The following MC1R variants were observed in gnomAD, a reference collection of about 807,000 sequenced individuals.
The protein encoded by MC1R is melanocortin 1 receptor.
For synonymous variants in MC1R, 263 were observed against 203.8 expected (o/e 1.29, Z -2.47); for missense variants, 542 against 430.0 (o/e 1.26, Z -2.30).
chr16:89,919,000 G>T lies in MC1R; in HGVS notation c.-259G>T. On this transcript the variant is annotated 5_prime_UTR_variant, in exon 1 of 1. Coordinates refer to ENST00000555147, the MANE Select transcript of MC1R (RefSeq NM_002386.4). The stretch of plus-strand genomic sequence containing the variant: ...AGGCAGGGAGGGAGCTGAGGACCAG[G>T]CTTGGTTGTGAGAATCCCTGAGCCC... The T allele has an allele frequency of 1.9e-6, 1 of 532,594 alleles. No individual in the cohort carries two copies. Among genetic ancestry groups the T allele is most frequent in the East Asian group, 3.1e-5 (1 of 32,690 alleles). The allele number at this position is 532,594 out of a possible 1,614,324, so 33.0% of individuals were successfully genotyped here. A position where few individuals can be genotyped will look rare whatever the true frequency, so the allele number is the denominator to read the frequency against.
chr16:89,920,420 C>A lies in MC1R; in HGVS notation c.*208C>A. 1.6e-6 allele frequency: 1 copy of A among 622,154 alleles called. No individual in the cohort carries two copies. Among genetic ancestry groups the A allele is most frequent in the Admixed American group, 2.9e-5 (1 of 34,172 alleles). 38.5% of individuals were successfully genotyped at this position (622,154 alleles called of 1,614,324 possible). A position where few individuals can be genotyped will look rare whatever the true frequency, so the allele number is the denominator to read the frequency against. On this transcript the variant is annotated 3_prime_UTR_variant, in exon 1 of 1. Transcript: ENST00000555147. Reference sequence around the variant, plus strand: ...GCAAAACTCCAGGCAGGACTTCTCACCAGCAGTCGTGGGGAACGGAGGAGG... The same window carrying A: ...GCAAAACTCCAGGCAGGACTTCTCAACAGCAGTCGTGGGGAACGGAGGAGG...
rs1299958681 is a variant in MC1R, at chr16:89,919,636, C to T, written c.378C>T (p.Ser126=). 4 of 1,607,146 alleles carry T rather than the reference C, an allele frequency of 2.5e-6. No homozygotes were observed. The highest frequency in any genetic ancestry group is 2.2e-5 in the East Asian group (1 of 44,862). Residue 126 remains serine (S), a synonymous_variant, in exon 1 of 1, where the codon AGC becomes AGT. Transcript: ENST00000555147. ...LDNVIDVITC[S]SMLSSLCFLG... The stretch of plus-strand genomic sequence containing the variant: ...ATGTCATTGACGTGATCACCTGCAG[C>T]TCCATGCTGTCCAGCCTCTGCTTCC...
Position 89,919,378 on chromosome 16 carries a change from C to T in MC1R, c.120C>T (p.Ile40=), listed in dbSNP as rs1555623739. The T allele has an allele frequency of 2.5e-6, 4 of 1,613,322 alleles. No individual in the cohort carries two copies. Among genetic ancestry groups the T allele is most frequent in the African/African-American group, 2.7e-5 (2 of 75,070 alleles). The change falls in exon 1 of 1, where the codon ATC becomes ATT. Residue 40 remains isoleucine, a synonymous_variant. Transcript: ENST00000555147. ...QTGARCLEVS[I]SDGLFLSLGL... ...GAGCCCGGTGCCTGGAGGTGTCCAT[C>T]TCTGACGGGCTCTTCCTCAGCCTGG...
chr16:89,920,649 A>G lies in MC1R; in HGVS notation c.*437A>G, dbSNP rs1328724365. 2.8e-6 allele frequency: 2 copies of G among 716,220 alleles called. No homozygotes were observed. Among genetic ancestry groups the G allele is most frequent in the Non-Finnish European group, 2.6e-6 (1 of 384,630 alleles). The allele number at this position is 716,220 out of a possible 1,614,324, so 44.4% of individuals were successfully genotyped here. A position where few individuals can be genotyped will look rare whatever the true frequency, so the allele number is the denominator to read the frequency against. On this transcript the variant is annotated 3_prime_UTR_variant, in exon 1 of 1. Coordinates refer to ENST00000555147, the MANE Select transcript of MC1R (RefSeq NM_002386.4). ...AAGTCTCTGGGTGGAAGTGTGTGCC[A>G]AGAGCTACTCCCACAGCAGCCCCAG...
chr16:89,920,181 C>CT lies in MC1R; in HGVS notation c.923_924insT (p.Leu309AlafsTer26), dbSNP rs1567758732. Reference sequence around the variant, plus strand: ...TTCCACAGCCAGGAGCTCCGCAGGACGCTCAAGGAGGTGCTGACATGCTCC... The same window carrying CT: ...TTCCACAGCCAGGAGCTCCGCAGGACTGCTCAAGGAGGTGCTGACATGCTCC... On this transcript the variant is annotated frameshift_variant, in exon 1 of 1. Coordinates refer to ENST00000555147, the MANE Select transcript of MC1R (RefSeq NM_002386.4). LOFTEE classifies it high-confidence loss of function. The CT allele has an allele frequency of 1.9e-6, 3 of 1,613,898 alleles. No individual in the cohort carries two copies. Among genetic ancestry groups the CT allele is most frequent in the Non-Finnish European group, 2.5e-6 (3 of 1,179,862 alleles).
In MC1R at chr16:89,920,606, C is replaced by G; in HGVS notation, c.*394C>G. On this transcript the variant is annotated 3_prime_UTR_variant, in exon 1 of 1. Coordinates refer to ENST00000555147, the MANE Select transcript of MC1R (RefSeq NM_002386.4). Reference sequence around the variant, plus strand: ...TGCTGCCAGCTCTCAGGACCGTGCCCTCGTCAGCTGGGATGTGAAGTCTCT... The same window carrying G: ...TGCTGCCAGCTCTCAGGACCGTGCCGTCGTCAGCTGGGATGTGAAGTCTCT... The G allele has an allele frequency of 1.4e-6, 1 of 698,076 alleles. No individual in the cohort carries two copies. Among genetic ancestry groups the G allele is most frequent in the East Asian group, 2.7e-5 (1 of 37,098 alleles). 43.2% of individuals were successfully genotyped at this position (698,076 alleles called of 1,614,324 possible).
chr16:89,920,182 G>T lies in MC1R; in HGVS notation c.924G>T (p.Thr308=), dbSNP rs748972076. ...YAFHSQELRR[T]LKEVLTCSW ...TCCACAGCCAGGAGCTCCGCAGGAC[G>T]CTCAAGGAGGTGCTGACATGCTCCT... Residue 308 remains threonine, a synonymous_variant, in exon 1 of 1, where the codon ACG becomes ACT. Transcript: ENST00000555147. 1 of 1,613,940 alleles carries T rather than the reference G, an allele frequency of 6.2e-7. No homozygotes were observed. The highest frequency in any genetic ancestry group is 2.2e-5 in the East Asian group (1 of 44,882).
At position 89,919,389 on chromosome 16, in the gene MC1R, T is replaced by C. The variant is rs1321375308; in HGVS notation, c.131T>C (p.Leu44Pro). ...RCLEVSISDG[L>P]FLSLGLVSLV... ...CTGGAGGTGTCCATCTCTGACGGGCTCTTCCTCAGCCTGGGGCTGGTGAGC... is the reference window on the plus strand; with the variant it reads ...CTGGAGGTGTCCATCTCTGACGGGCCCTTCCTCAGCCTGGGGCTGGTGAGC... Residue 44 changes from leucine to proline, a missense_variant, in exon 1 of 1, where the codon CTC becomes CCC. Coordinates refer to ENST00000555147, the MANE Select transcript of MC1R (RefSeq NM_002386.4). 3 of 1,613,158 alleles carry C rather than the reference T, an allele frequency of 1.9e-6. No homozygotes were observed. Among genetic ancestry groups the C allele is most frequent in the Non-Finnish European group, 2.5e-6 (3 of 1,179,868 alleles).
Position 89,919,297 on chromosome 16 carries a change from C to T in MC1R, c.39C>T (p.Ser13=), listed in dbSNP as rs1343942470. Residue 13 remains serine (S), a synonymous_variant, in exon 1 of 1, where the codon TCC becomes TCT. Coordinates refer to ENST00000555147, the MANE Select transcript of MC1R (RefSeq NM_002386.4). ...VQGSQRRLLG[S]LNSTPTAIPQ... ...GATCCCAGAGAAGACTTCTGGGCTC[C>T]CTCAACTCCACCCCCACAGCCATCC... The T allele has an allele frequency of 6.2e-7, 1 of 1,606,182 alleles. No individual in the cohort carries two copies. Among genetic ancestry groups the T allele is most frequent in the East Asian group, 2.2e-5 (1 of 44,532 alleles).
rs767294514 is a variant in MC1R at position 89,919,522 on chromosome 16, C to T, written c.264C>T (p.Ser88=). 2.1e-5 allele frequency: 34 copies of T among 1,612,902 alleles called. No individual in the cohort carries two copies. Among genetic ancestry groups the T allele is most frequent in the African/African-American group, 2.7e-5 (2 of 74,926 alleles). Residue 88 remains serine (S), a synonymous_variant, in exon 1 of 1, where the codon AGC becomes AGT. Coordinates refer to ENST00000555147, the MANE Select transcript of MC1R (RefSeq NM_002386.4). ...TGGCCTTGTCGGACCTGCTGGTGAG[C>T]GGGAGCAACGTGCTGGAGACGGCCG... ...CCLALSDLLV[S]GSNVLETAVI...
chr16:89,920,618 G>T lies in MC1R; in HGVS notation c.*406G>T. ...TCAGGACCGTGCCCTCGTCAGCTGG[G>T]ATGTGAAGTCTCTGGGTGGAAGTGT... On this transcript the variant is annotated 3_prime_UTR_variant, in exon 1 of 1. Transcript: ENST00000555147. 1.4e-6 allele frequency: 1 copy of T among 707,120 alleles called. No individual in the cohort carries two copies. The highest frequency in any genetic ancestry group is 2.7e-5 in the East Asian group (1 of 37,192). 43.8% of individuals were successfully genotyped at this position (707,120 alleles called of 1,614,324 possible).
chr16:89,918,893 C>A lies in MC1R; in HGVS notation c.-366C>A, dbSNP rs1467069158. On this transcript the variant is annotated 5_prime_UTR_variant, in exon 1 of 1. Transcript: ENST00000555147. ...CCCAGGACCTCAGCGCAGCCCTGGCCCAGGAAGGCAGGAGACAGAGGCCAG... is the reference window on the plus strand; with the variant it reads ...CCCAGGACCTCAGCGCAGCCCTGGCACAGGAAGGCAGGAGACAGAGGCCAG... 3 of 283,404 alleles carry A rather than the reference C, an allele frequency of 1.1e-5. No homozygotes were observed. Among genetic ancestry groups the A allele is most frequent in the Non-Finnish European group, 1.3e-5 (2 of 150,076 alleles). 17.6% of individuals were successfully genotyped at this position (283,404 alleles called of 1,614,324 possible).
chr16:89,920,492 C>T lies in MC1R; in HGVS notation c.*280C>T, dbSNP rs926242817. 1 of 617,262 alleles carries T rather than the reference C, an allele frequency of 1.6e-6. No individual in the cohort carries two copies. Among genetic ancestry groups the T allele is most frequent in the Non-Finnish European group, 2.9e-6 (1 of 339,298 alleles). 38.2% of individuals were successfully genotyped at this position (617,262 alleles called of 1,614,324 possible). A position where few individuals can be genotyped will look rare whatever the true frequency, so the allele number is the denominator to read the frequency against. On this transcript the variant is annotated 3_prime_UTR_variant, in exon 1 of 1. Transcript: ENST00000555147. ...TCAGGCTCCGGGCACCAGGGGCCAA[C>T]CTCAGGCTCCTAAAGAGACATTTTC...
In MC1R at chr16:89,920,880, C is replaced by T. The variant is rs1422403073; in HGVS notation, c.*668C>T. The T allele has an allele frequency of 8.4e-6, 5 of 594,894 alleles. No homozygotes were observed. The highest frequency in any genetic ancestry group is 1.9e-5 in the African/African-American group (1 of 53,074). The allele number at this position is 594,894 out of a possible 1,614,324, so 36.9% of individuals were successfully genotyped here. ...TGCTTTCCTGCAGCAGTCGCCCAAG[C>T]AGACAGCCCTGGCAAATGCCTGACT... On this transcript the variant is annotated 3_prime_UTR_variant, in exon 1 of 1. Coordinates refer to ENST00000555147, the MANE Select transcript of MC1R (RefSeq NM_002386.4).
Position 89,920,601 on chromosome 16 carries a change from G to T in MC1R, c.*389G>T, listed in dbSNP as rs1021962381. ...ATCTTTGCTGCCAGCTCTCAGGACC[G>T]TGCCCTCGTCAGCTGGGATGTGAAG... On this transcript the variant is annotated 3_prime_UTR_variant, in exon 1 of 1. Transcript: ENST00000555147. 1.4e-6 allele frequency: 1 copy of T among 694,208 alleles called. No individual in the cohort carries two copies. The allele number at this position is 694,208 out of a possible 1,614,324, so 43.0% of individuals were successfully genotyped here.
rs1202022547 is a variant in MC1R at position 89,919,848 on chromosome 16, T to C, written c.590T>C (p.Leu197Pro). ...AVLLCLVVFF[L>P]AMLVLMAVLY... Reference sequence around the variant, plus strand: ...CTGCTGTGCCTCGTGGTCTTCTTCCTGGCTATGCTGGTGCTCATGGCCGTG... The same window carrying C: ...CTGCTGTGCCTCGTGGTCTTCTTCCCGGCTATGCTGGTGCTCATGGCCGTG... The change falls in exon 1 of 1, where the codon CTG (leucine) becomes CCG (proline). Residue 197 changes from leucine to proline, a missense_variant. Leu to Pro is a moderately conservative substitution (Grantham distance 98, BLOSUM62 -3). Transcript: ENST00000555147. 2 of 1,606,448 alleles carry C rather than the reference T, an allele frequency of 1.2e-6. No individual in the cohort carries two copies. The highest frequency in any genetic ancestry group is 1.7e-6 in the Non-Finnish European group (2 of 1,179,648).
rs749890145 is a variant in MC1R at position 89,920,964 on chromosome 16, C to T, written c.*752C>T. On this transcript the variant is annotated 3_prime_UTR_variant, in exon 1 of 1. Coordinates refer to ENST00000555147, the MANE Select transcript of MC1R (RefSeq NM_002386.4). ...AAGTCTGGTAATAAATGTGACTCAG[C>T]ATCACCCACCTTAGCCCCTTCCAGA... 7.8e-6 allele frequency: 4 copies of T among 512,380 alleles called. No individual in the cohort carries two copies. The highest frequency in any genetic ancestry group is 3.3e-5 in the East Asian group (1 of 29,950). The allele number at this position is 512,380 out of a possible 1,614,324, so 31.7% of individuals were successfully genotyped here.
Position 89,920,316 on chromosome 16 carries a change from C to G in MC1R, c.*104C>G, listed in dbSNP as rs564084675. On this transcript the variant is annotated 3_prime_UTR_variant, in exon 1 of 1. Transcript: ENST00000555147. ...GGCAGTTCCTTACCTCCCTGGTCCCCGTTTGTCAAAGAGGATGGACTAAAT... is the reference window on the plus strand; with the variant it reads ...GGCAGTTCCTTACCTCCCTGGTCCCGGTTTGTCAAAGAGGATGGACTAAAT... 9 of 966,604 alleles carry G rather than the reference C, an allele frequency of 9.3e-6. No individual in the cohort carries two copies. The highest frequency in any genetic ancestry group is 1.6e-5 in the South Asian group (1 of 64,304). 59.9% of individuals were successfully genotyped at this position (966,604 alleles called of 1,614,324 possible).
chr16:89,920,845 G>T lies in MC1R; in HGVS notation c.*633G>T. 1 of 600,820 alleles carries T rather than the reference G, an allele frequency of 1.7e-6. No individual in the cohort carries two copies. Among genetic ancestry groups the T allele is most frequent in the Non-Finnish European group, 3.0e-6 (1 of 330,360 alleles). 37.2% of individuals were successfully genotyped at this position (600,820 alleles called of 1,614,324 possible). ...TTCTAAGGCTCAGACTGGGCACTGGGGCCTCAGCCTGCTTTCCTGCAGCAG... is the reference window on the plus strand; with the variant it reads ...TTCTAAGGCTCAGACTGGGCACTGGTGCCTCAGCCTGCTTTCCTGCAGCAG... On this transcript the variant is annotated 3_prime_UTR_variant, in exon 1 of 1. Coordinates refer to ENST00000555147, the MANE Select transcript of MC1R (RefSeq NM_002386.4).
Sources: allele counts gnomAD v4.1 joint callset, GRCh38; gene constraint gnomAD v4.1.1; transcripts MANE v1.5; gene names NCBI Gene and HGNC (gene_info 2026-07-23, HGNC 2026-07-21).